ESM1: variants seen among roughly 807,000 people sequenced by gnomAD.
The protein encoded by ESM1 is endothelial cell-specific molecule 1.
A neutral mutation model predicts 14.9 loss-of-function variants in ESM1; 7 were observed. The ratio of observed to expected loss-of-function variants is 0.47; its 90% CI spans 0.27 to 0.88. The LOEUF is 0.88. Among genes scored for constraint, ESM1 ranks in the 40% least tolerant of loss-of-function variants. ESM1 has a pLI of 0.14. For missense variants in ESM1, 192 were observed against 237.9 expected (o/e 0.81, Z 1.27); for synonymous variants, 89 against 89.4 (o/e 1.00, Z 0.02).
chr5:54,981,961 T>G, intron 2 of ESM1, 36 bp downstream of exon 2: 1 of 1,589,718 alleles, frequency 6.3e-7, no homozygotes, highest in Non-Finnish European at 8.6e-7. Flanking sequence ...GAAATGAGAC[T>G]ATTCTTCCAA....
At chr5:54,984,112 G>A (rs1740474848) in intron 1 of ESM1, among the ~76,000 whole-genome samples, 1 of 151,690 alleles carries the variant, frequency 6.6e-6, no homozygotes, top group South Asian at 2.1e-4. Context: ...TGTATGTCTT[G>A]CAAATTAAAA....
chr5:54,980,937 G>A lies in ESM1; in HGVS notation c.451+1060C>T, dbSNP rs530194796. On this transcript the variant is annotated intron_variant, in intron 2 of 2. Transcript: ENST00000381405. ...TTGAATTGTTATTTATAGTTGTGGTGGGAAAAAGTATATCATTTGTTGATA... is the reference window on the plus strand; with the variant it reads ...TTGAATTGTTATTTATAGTTGTGGTAGGAAAAAGTATATCATTTGTTGATA... Among the ~76,000 whole-genome samples, 9 of 152,156 alleles carry A rather than the reference G, an allele frequency of 5.9e-5. No individual in the cohort carries two copies. In the East Asian group the frequency reaches 7.7e-4, roughly 13 times the overall value.
In ESM1 at chr5:54,979,371, G is replaced by A. The variant is rs112350718; in HGVS notation, c.516C>T (p.Ala172=). Residue 172 remains alanine (A), a synonymous_variant, in exon 3 of 3, where the codon GCC becomes GCT. Transcript: ENST00000381405. The part of the protein sequence containing the change: ...VREEVVKENA[A]GSPVMRKWLN... Reference sequence around the variant, plus strand: ...ACCATTTCCTCATTACGGGAGACCCGGCAGCATTCTCTTTCACAACTTCTT... The same window carrying A: ...ACCATTTCCTCATTACGGGAGACCCAGCAGCATTCTCTTTCACAACTTCTT... 106 of 1,613,758 alleles carry A rather than the reference G, an allele frequency of 6.6e-5. No homozygotes were observed. The highest frequency in any genetic ancestry group is 6.4e-4 in the African/African-American group (48 of 74,998).
At chr5:54,983,063 T>A (rs1204908511) in intron 1 of ESM1, among the ~76,000 whole-genome samples, 2 of 152,232 alleles carry the variant, frequency 1.3e-5, no homozygotes, top group Admixed American at 6.5e-5. Flanking sequence ...ACCTTGTAAA[T>A]GTACAATCAC....
At chr5:54,981,881 G>A in intron 2 of ESM1, 116 bp downstream of exon 2, 1 of 1,153,262 alleles carries the variant, frequency 8.7e-7, no homozygotes, top group Non-Finnish European at 1.2e-6. Context: ...CCTGAGTAAA[G>A]CAAAGGAAAT....
At position 54,985,425 on chromosome 5, in the gene ESM1, G is replaced by A. The variant is rs781030399; in HGVS notation, c.93C>T (p.His31=). Residue 31 remains histidine (H), a synonymous_variant, in exon 1 of 3, where the codon CAC becomes CAT. Coordinates refer to ENST00000381405, the MANE Select transcript of ESM1 (RefSeq NM_007036.5). ...TGCTTTTGCACTCACTGCTGTCACA[G>A]TGTTGAGGGCAGTCCACCGCATAAT... The part of the protein sequence containing the change: ...SNNYAVDCPQ[H]CDSSECKSSP... 4 of 1,614,172 alleles carry A rather than the reference G, an allele frequency of 2.5e-6. No individual in the cohort carries two copies. The highest frequency in any genetic ancestry group is 3.4e-6 in the Non-Finnish European group (4 of 1,180,028).
chr5:54,980,192 A>T (rs1386428458), intron 2 of ESM1, among the ~76,000 whole-genome samples: 1 of 152,138 alleles, frequency 6.6e-6, no homozygotes, highest in East Asian at 1.9e-4. Flanking sequence ...CTCACTGCCA[A>T]AAAAAAGAAC....
chr5:54,982,151 G>T lies in ESM1; in HGVS notation c.302-5C>A. 6.2e-7 allele frequency: 1 copy of T among 1,613,412 alleles called. No individual in the cohort carries two copies. ...CGAAGGTGCCGTAGGGACAGTCTGG[G>T]GACAAAGGAAAGGTTGGAGAGGACG... On this transcript the variant is annotated splice_polypyrimidine_tract_variant and splice_region_variant and intron_variant, in intron 1 of 2. Transcript: ENST00000381405.
intron 2 of ESM1, 62 bp downstream of exon 2, chr5:54,981,935 C>T: frequency 6.8e-7 from 1 of 1,480,304 alleles, no homozygotes; most frequent in South Asian, 1.2e-5. Context: ...CAGATATTTT[C>T]TAAGTTATTC....
In ESM1 at chr5:54,980,510, G is replaced by C. The variant is rs1744032643; in HGVS notation, c.452-1075C>G. 5.9e-5 allele frequency among the ~76,000 whole-genome samples: 9 copies of C among 152,102 alleles called. 1 individual carries two copies. In the South Asian group the frequency reaches 1.7e-3, roughly 28 times the overall value. On this transcript the variant is annotated intron_variant, in intron 2 of 2. Transcript: ENST00000381405. ...GCAGCCTCCCCAAGAGGTCCTTAGG[G>C]TTTTCTGCTCTCCATCCTGAACCTG...
Position 54,985,391 on chromosome 5 carries a change from A to T in ESM1, c.127T>A (p.Cys43Ser). Reference protein sequence around the residue: ...DSSECKSSPRCKRTVLDDCGC... With the variant: ...DSSECKSSPRSKRTVLDDCGC... ...CAGTCGTCGAGCACTGTCCTCTTGC[A>T]GCGCGGGCTGCTTTTGCACTCACTG... is the stretch of plus-strand genomic sequence containing the variant. The change falls in exon 1 of 3, where the codon TGC becomes AGC. Residue 43 changes from cysteine to serine, a missense_variant. Transcript: ENST00000381405. The T allele has an allele frequency of 6.2e-7, 1 of 1,614,210 alleles. No homozygotes were observed. The highest frequency in any genetic ancestry group is 1.1e-5 in the South Asian group (1 of 91,084).
chr5:54,985,234 T>A lies in ESM1; in HGVS notation c.284A>T (p.Glu95Val), dbSNP rs1740510965. 1.2e-6 allele frequency: 2 copies of A among 1,611,536 alleles called. No homozygotes were observed. Among genetic ancestry groups the A allele is most frequent in the African/African-American group, 2.7e-5 (2 of 74,832 alleles). The change falls in exon 1 of 3, where the codon GAG becomes GTG. Residue 95 changes from glutamate to valine, a missense_variant. By Grantham distance (121) the Glu-to-Val change is moderately radical. Coordinates refer to ENST00000381405, the MANE Select transcript of ESM1 (RefSeq NM_007036.5). ...PSNGEDPFGE[E>V]FGICKDCPYG... Reference sequence around the variant, plus strand: ...CTCTTTACCTTTGCAGATACCAAACTCTTCACCAAAAGGATCCTCCCCATT... The same window carrying A: ...CTCTTTACCTTTGCAGATACCAAACACTTCACCAAAAGGATCCTCCCCATT...
chr5:54,979,283 G>A lies in ESM1; in HGVS notation c.*49C>T. 7.3e-7 allele frequency: 1 copy of A among 1,365,146 alleles called. No individual in the cohort carries two copies. The highest frequency in any genetic ancestry group is 1.0e-6 in the Non-Finnish European group (1 of 954,290). The allele number at this position is 1,365,146 out of a possible 1,614,324, so 84.6% of individuals were successfully genotyped here. On this transcript the variant is annotated 3_prime_UTR_variant, in exon 3 of 3. Coordinates refer to ENST00000381405, the MANE Select transcript of ESM1 (RefSeq NM_007036.5). Reference sequence around the variant, plus strand: ...AAAGTTCCTAAAATGTTGGCTGTGTGTTGAACAATCACGAAAATAGAGCCT... The same window carrying A: ...AAAGTTCCTAAAATGTTGGCTGTGTATTGAACAATCACGAAAATAGAGCCT...
rs1346671745 is a variant in ESM1 at position 54,978,346 on chromosome 5, CTGTTT to C, written c.*981_*985del. ...GACATTTTTGAAATCCAGAGTGACT[CTGTTT>C]TTCTTATGCTTATTAAGGTTATTAT... On this transcript the variant is annotated 3_prime_UTR_variant, in exon 3 of 3. Transcript: ENST00000381405. 6.6e-6 allele frequency: 1 copy of C among 151,958 alleles called. No homozygotes were observed. Among genetic ancestry groups the C allele is most frequent in the East Asian group, 1.9e-4 (1 of 5,196 alleles). 9.4% of individuals were successfully genotyped at this position (151,958 alleles called of 1,614,324 possible).
In ESM1 at chr5:54,978,699, A is replaced by AACT. The variant is rs1743985571; in HGVS notation, c.*630_*632dup. On this transcript the variant is annotated 3_prime_UTR_variant, in exon 3 of 3. Transcript: ENST00000381405. ...GTCCTTCAGATACAGGTAACCCGGGAACTACATCAGCAGCCTTTTGAAATT... is the reference window on the plus strand; with the variant it reads ...GTCCTTCAGATACAGGTAACCCGGGAACTACTACATCAGCAGCCTTTTGAAATT... 1 of 152,544 alleles carries AACT rather than the reference A, an allele frequency of 6.6e-6. No homozygotes were observed. The highest frequency in any genetic ancestry group is 2.4e-5 in the African/African-American group (1 of 41,420). The allele number at this position is 152,544 out of a possible 1,614,324, so 9.4% of individuals were successfully genotyped here. A position where few individuals can be genotyped will look rare whatever the true frequency, so the allele number is the denominator to read the frequency against.
chr5:54,979,173 G>GT lies in ESM1; in HGVS notation c.*158dup. ...TTCAGTCATATGGATGTTATGGATT[G>GT]TAAGTATCCTACTTTTTGTTTTCTG... is the stretch of plus-strand genomic sequence containing the variant. On this transcript the variant is annotated 3_prime_UTR_variant, in exon 3 of 3. Transcript: ENST00000381405. 1 of 616,576 alleles carries GT rather than the reference G, an allele frequency of 1.6e-6. No homozygotes were observed. Among genetic ancestry groups the GT allele is most frequent in the Non-Finnish European group, 2.9e-6 (1 of 341,936 alleles). The allele number at this position is 616,576 out of a possible 1,614,324, so 38.2% of individuals were successfully genotyped here.
chr5:54,981,577 TA>T (rs1326266049), intron 2 of ESM1, among the ~76,000 whole-genome samples: 2 of 152,238 alleles, frequency 1.3e-5, no homozygotes, highest in Non-Finnish European at 2.9e-5. Flanking sequence ...TCTTGACTCT[TA>T]AAGCTTATCC....
intron 2 of ESM1, among the ~76,000 whole-genome samples, chr5:54,980,696 T>A (rs1162666751): frequency 6.6e-6 from 1 of 152,234 alleles, no homozygotes; most frequent in Non-Finnish European, 1.5e-5. Flanking sequence ...GAAATATTTT[T>A]GTGTAACCTA....
intron 2 of ESM1, 29 bp from the exon 3 acceptor site, chr5:54,979,464 C>G (rs1239155013): frequency 7.0e-7 from 1 of 1,424,276 alleles, no homozygotes; most frequent in Non-Finnish European, 9.9e-7. Flanking sequence ...CAAATCATGT[C>G]CAAACATCTA....
Sources: allele counts gnomAD v4.1 joint callset (sites outside exome capture counted in the v4.1 genomes callset), GRCh38; gene constraint gnomAD v4.1.1; transcripts MANE v1.5; gene names NCBI Gene and HGNC (gene_info 2026-07-23, HGNC 2026-07-21).